MAP3K9: variants seen among roughly 807,000 people sequenced by gnomAD.
The protein encoded by MAP3K9 is mitogen-activated protein kinase kinase kinase 9, also known as mixed lineage kinase 1 (tyr and ser/thr specificity).
A neutral mutation model predicts 95.8 loss-of-function variants in MAP3K9; 46 were observed. The ratio of observed to expected loss-of-function variants is 0.48; its 90% CI spans 0.38 to 0.61. MAP3K9 has a LOEUF of 0.61. MAP3K9 is among the 20% of genes least tolerant of loss of function. MAP3K9 has a pLI of 0.00. For missense variants in MAP3K9, 1,296 were observed against 1,474.3 expected, an observed-to-expected ratio of 0.88 and a Z score of 1.98; for synonymous variants, 533 against 593.8, an observed-to-expected ratio of 0.90 and a Z score of 1.49.
chr14:70,774,315 AG>A (rs2054567200), intron 2 of MAP3K9, among the ~76,000 whole-genome samples: 1 of 152,222 alleles, frequency 6.6e-6, no homozygotes, highest in African/African-American at 2.4e-5. Flanking sequence ...ATTTATTACA[AG>A]GCTTGTAATA....
At chr14:70,792,363 A>G (rs1325175068) in intron 2 of MAP3K9, among the ~76,000 whole-genome samples, 3 of 152,218 alleles carry the variant, frequency 2.0e-5, no homozygotes, top group Non-Finnish European at 4.4e-5. Context: ...CTAAGGAAAA[A>G]AACAGGGAGT....
At position 70,724,767 on chromosome 14, in the gene MAP3K9, T is replaced by A. The variant is rs2053797864; in HGVS notation, c.*5613A>T. 1 of 152,182 alleles carries A rather than the reference T, an allele frequency of 6.6e-6. No homozygotes were observed. Among genetic ancestry groups the A allele is most frequent in the African/African-American group, 2.4e-5 (1 of 41,448 alleles). 9.4% of individuals were successfully genotyped at this position (152,182 alleles called of 1,614,324 possible). On this transcript the variant is annotated 3_prime_UTR_variant, in exon 12 of 12. Transcript: ENST00000554752. ...CGCAGGGCAAGGAACACCACGGCCC[T>A]GGGGCCCTCGCTCCCCAGGGCTCCG... is the stretch of plus-strand genomic sequence containing the variant.
intron 3 of MAP3K9, among the ~76,000 whole-genome samples, chr14:70,750,546 G>A (rs112197437): frequency 6.3e-4 from 96 of 152,250 alleles, no homozygotes; most frequent in African/African-American, 1.7e-3. Context: ...GTGCAGTGGC[G>A]TGATCTCGGC....
chr14:70,735,238 T>G (rs1325812542), intron 9 of MAP3K9, among the ~76,000 whole-genome samples: 2 of 152,108 alleles, frequency 1.3e-5, no homozygotes, highest in East Asian at 1.9e-4. Context: ...TGCCAACCAC[T>G]TTGTAGGAGG....
At chr14:70,805,368 A>G (rs1325482305) in intron 1 of MAP3K9, among the ~76,000 whole-genome samples, 3 of 152,216 alleles carry the variant, frequency 2.0e-5, no homozygotes, top group Admixed American at 1.3e-4. Flanking sequence ...CTCTTGTTAG[A>G]GAAACTTTCA....
At chr14:70,803,964 T>C (rs1334173420) in intron 1 of MAP3K9, among the ~76,000 whole-genome samples, 1 of 152,246 alleles carries the variant, frequency 6.6e-6, no homozygotes. Context: ...AGAAGTGAGA[T>C]GAAGACCATG....
chr14:70,781,224 G>T (rs1303097827), intron 2 of MAP3K9, among the ~76,000 whole-genome samples: 1 of 152,226 alleles, frequency 6.6e-6, no homozygotes, highest in Admixed American at 6.5e-5. Flanking sequence ...GAACACTTGG[G>T]TCTGCAGCCT....
intron 2 of MAP3K9, among the ~76,000 whole-genome samples, chr14:70,789,322 G>A (rs2054781979): frequency 6.6e-6 from 1 of 152,136 alleles, no homozygotes; most frequent in Admixed American, 6.5e-5. Context: ...GCTTAGGAGA[G>A]GGCTACTCAG....
At chr14:70,793,652 T>TTTCA (rs10672359) in intron 2 of MAP3K9, among the ~76,000 whole-genome samples, 93,848 of 150,372 alleles carry the variant, frequency 0.62, 29,417 homozygotes, top group Admixed American at 0.68. Flanking sequence ...TCACATGATA[T>TTTCA]TTCATTCATT....
chr14:70,744,220 G>T (rs2054115710), intron 5 of MAP3K9, among the ~76,000 whole-genome samples: 2 of 152,070 alleles, frequency 1.3e-5, no homozygotes, highest in South Asian at 4.2e-4. Flanking sequence ...GGGAGGGAGA[G>T]CATTAGGAAA....
intron 2 of MAP3K9, among the ~76,000 whole-genome samples, chr14:70,791,906 T>A (rs567275569): frequency 5.9e-5 from 9 of 152,100 alleles, no homozygotes; most frequent in Non-Finnish European, 1.3e-4. Flanking sequence ...GACTGGCCCA[T>A]AAAAGAAAAC....
chr14:70,775,738 T>C (rs888739823), intron 2 of MAP3K9, among the ~76,000 whole-genome samples: 4 of 152,196 alleles, frequency 2.6e-5, no homozygotes, highest in African/African-American at 4.8e-5. Flanking sequence ...ACCAAAGCTA[T>C]CAGTCAAACC....
intron 2 of MAP3K9, among the ~76,000 whole-genome samples, chr14:70,775,956 AGG>A (rs1369215576): frequency 6.6e-6 from 1 of 152,216 alleles, no homozygotes; most frequent in Non-Finnish European, 1.5e-5. Flanking sequence ...TGGGAGGCCG[AGG>A]CGGGTGGATC....
chr14:70,780,260 C>T (rs2054656610), intron 2 of MAP3K9, among the ~76,000 whole-genome samples: 1 of 152,194 alleles, frequency 6.6e-6, no homozygotes, highest in African/African-American at 2.4e-5. Flanking sequence ...ATTTCTGCTG[C>T]CTTGTTGGGC....
chr14:70,779,612 T>G (rs1034863555), intron 2 of MAP3K9, among the ~76,000 whole-genome samples: 16 of 152,196 alleles, frequency 1.1e-4, no homozygotes, highest in African/African-American at 3.9e-4. Flanking sequence ...CTCCTACCTC[T>G]AGGCTAACAT....
At chr14:70,751,014 A>C (rs954556988) in intron 3 of MAP3K9, among the ~76,000 whole-genome samples, 2 of 151,436 alleles carry the variant, frequency 1.3e-5, no homozygotes, top group Non-Finnish European at 2.9e-5. Context: ...TAGGTTGAAT[A>C]GATTTCTGCC....
Position 70,794,990 on chromosome 14 carries a change from C to CTTTT in MAP3K9, c.820+5673_820+5676dup, listed in dbSNP as rs572010694. On this transcript the variant is annotated intron_variant, in intron 2 of 11. Coordinates refer to ENST00000554752, the MANE Select transcript of MAP3K9 (RefSeq NM_001284230.2). ...CCGTGACCAGCCTCTTTTTCTTTTCCTTTTTTTTTTTTTTTTTTTTTGAGA... is the reference window on the plus strand; with the variant it reads ...CCGTGACCAGCCTCTTTTTCTTTTCCTTTTTTTTTTTTTTTTTTTTTTTTTGAGA... Among the ~76,000 whole-genome samples the CTTTT allele has an allele frequency of 1.4e-3, 109 of 76,810 alleles. 3 individuals carry two copies. The highest frequency in any genetic ancestry group is 3.5e-3 in the East Asian group (9 of 2,536). 50.4% of individuals were successfully genotyped at this position (76,810 alleles called of 152,430 possible).
intron 6 of MAP3K9, among the ~76,000 whole-genome samples, chr14:70,740,587 C>T (rs1338938044): frequency 6.6e-6 from 1 of 152,224 alleles, no homozygotes; most frequent in African/African-American, 2.4e-5. Flanking sequence ...TGATTCTTCT[C>T]ACTAAGTGCA....
chr14:70,787,991 T>C (rs978816803), intron 2 of MAP3K9, among the ~76,000 whole-genome samples: 8 of 152,180 alleles, frequency 5.3e-5, no homozygotes, highest in Non-Finnish European at 8.8e-5. Flanking sequence ...CAGAATTCTA[T>C]TGGGATTTCT....
Sources: gnomAD v4.1 joint callset for allele counts (sites outside exome capture counted in the v4.1 genomes callset) on GRCh38, gnomAD v4.1.1 for gene constraint, MANE v1.5 for transcripts, NCBI Gene and HGNC (gene_info 2026-07-23, HGNC 2026-07-21) for gene names.